CUL2: variants seen among roughly 807,000 people sequenced by gnomAD.
CUL2 encodes cullin 2.
Under a neutral mutation model 110.2 loss-of-function variants are expected in CUL2, and 22 were observed. The ratio of observed to expected loss-of-function variants is 0.20; its 90% CI spans 0.14 to 0.28. The LOEUF is 0.28. Ranked by LOEUF, CUL2 falls within the 10% of genes least tolerant of loss-of-function variation. CUL2 has a pLI of 1.00. For synonymous variants in CUL2, 279 were observed against 293.2 expected, an observed-to-expected ratio of 0.95 and a Z score of 0.49; for missense variants, 631 against 905.5, an observed-to-expected ratio of 0.70 and a Z score of 3.89.
At chr10:35,024,996 T>C in intron 17 of CUL2, 136 bp downstream of exon 17, 1 of 1,220,968 alleles carries the variant, frequency 8.2e-7, no homozygotes, top group East Asian at 3.1e-5. Flanking sequence ...ATTTCATTGT[T>C]AGTTGCTTTA....
At chr10:35,083,432 C>T (rs1275898305) in intron 1 of CUL2, among the ~76,000 whole-genome samples, 2 of 152,136 alleles carry the variant, frequency 1.3e-5, no homozygotes, top group Non-Finnish European at 2.9e-5. Context: ...AGGAATGACA[C>T]CACAGTGGCA....
intron 5 of CUL2, among the ~76,000 whole-genome samples, chr10:35,050,526 C>T (rs2086076382): frequency 6.6e-6 from 1 of 152,048 alleles, no homozygotes; most frequent in Non-Finnish European, 1.5e-5. Context: ...TAAAACATTC[C>T]TGTATTCACT....
intron 17 of CUL2, among the ~76,000 whole-genome samples, chr10:35,018,298 A>C (rs71487384): frequency 0.13 from 19,371 of 148,742 alleles, 1,675 homozygotes; most frequent in South Asian, 0.2. Flanking sequence ...CAAAAAAAAA[A>C]AAAAAAAAAA....
intron 9 of CUL2, among the ~76,000 whole-genome samples, chr10:35,037,582 G>A (rs1044720122): frequency 1.3e-5 from 2 of 152,134 alleles, no homozygotes; most frequent in Non-Finnish European, 2.9e-5. Context: ...GTGGTGGCTC[G>A]TGTCTATAAT....
chr10:35,125,230 T>A (rs1261474149), intron 1 of CUL2, among the ~76,000 whole-genome samples: 7 of 152,190 alleles, frequency 4.6e-5, no homozygotes, highest in Admixed American at 4.6e-4. Flanking sequence ...CATGAACTGA[T>A]GGGCTTGTAA....
intron 1 of CUL2, among the ~76,000 whole-genome samples, chr10:35,088,372 G>C (rs191790704): frequency 6.6e-6 from 1 of 152,066 alleles, no homozygotes; most frequent in Non-Finnish European, 1.5e-5. Context: ...GCTGGGCGTG[G>C]TGACGTGCGC....
At chr10:35,027,152 T>G (rs931792379) in intron 16 of CUL2, among the ~76,000 whole-genome samples, 1 of 150,666 alleles carries the variant, frequency 6.6e-6, no homozygotes, top group African/African-American at 2.4e-5. Context: ...ACTTTTTTTT[T>G]TTTTTTTTTT....
At chr10:35,048,746 A>C (rs944361368) in intron 6 of CUL2, among the ~76,000 whole-genome samples, 6 of 152,220 alleles carry the variant, frequency 3.9e-5, no homozygotes, top group Non-Finnish European at 8.8e-5. Flanking sequence ...ACAATTTTTA[A>C]AAATCAAGTT....
chr10:35,101,485 T>C (rs997013383), intron 1 of CUL2, among the ~76,000 whole-genome samples: 2 of 152,230 alleles, frequency 1.3e-5, no homozygotes, highest in Non-Finnish European at 2.9e-5. Flanking sequence ...TTATTATTCC[T>C]GTTTTACTGG....
At position 35,082,739 on chromosome 10, in the gene CUL2, CTT is replaced by C. The variant is rs142108199; in HGVS notation, c.-23+7438_-23+7439del. Among the ~76,000 whole-genome samples, 805 of 152,292 alleles carry C rather than the reference CTT, an allele frequency of 5.3e-3. 3 individuals are homozygous for C. Among genetic ancestry groups the C allele is most frequent in the Admixed American group, 9.9e-3 (152 of 15,288 alleles). ...AAATACTATTTTTGGTTCAGACAGA[CTT>C]TTATCAAATAAAAGAGAAATATCTT... is the stretch of plus-strand genomic sequence containing the variant. On this transcript the variant is annotated intron_variant, in intron 1 of 20. Coordinates refer to ENST00000374749, the MANE Select transcript of CUL2 (RefSeq NM_003591.4).
chr10:35,114,747 C>T (rs1187251889), intron 1 of CUL2, among the ~76,000 whole-genome samples: 1 of 151,984 alleles, frequency 6.6e-6, no homozygotes. Flanking sequence ...TAGAGGAAAA[C>T]ATGAGCATGG....
chr10:35,088,150 GATT>G (rs1288121215), intron 1 of CUL2, among the ~76,000 whole-genome samples: 2 of 152,130 alleles, frequency 1.3e-5, no homozygotes, highest in Non-Finnish European at 2.9e-5. Context: ...TATTCTCTGA[GATT>G]ATTTCTTATA....
chr10:35,107,881 CAAAAAAAAAAAAAAAA>C (rs56140666), intron 1 of CUL2, among the ~76,000 whole-genome samples: 6 of 42,102 alleles, frequency 1.4e-4, no homozygotes, highest in African/African-American at 5.4e-4. Flanking sequence ...GACTCCATCT[CAAAAAAAAAAAAAAAA>C]AAAAAAAAAA....
intron 2 of CUL2, among the ~76,000 whole-genome samples, chr10:35,097,565 G>A (rs1295867898): frequency 2.0e-5 from 3 of 151,316 alleles, no homozygotes; most frequent in Non-Finnish European, 4.4e-5. Context: ...ATCAAGCCCA[G>A]TATTAACAAT....
chr10:35,112,905 G>T (rs1247695440), intron 1 of CUL2, among the ~76,000 whole-genome samples: 2 of 152,130 alleles, frequency 1.3e-5, no homozygotes, highest in East Asian at 3.9e-4. Context: ...CTACATAAAA[G>T]AATTCAGGCC....
chr10:35,090,588 C>G (rs1442809507), upstream of CUL2: 1 of 152,690 alleles, frequency 6.5e-6, no homozygotes, highest in Non-Finnish European at 1.5e-5. Context: ...AACACACACC[C>G]TCCGGTCTCC....
intron 17 of CUL2, among the ~76,000 whole-genome samples, chr10:35,016,683 G>A (rs1417948654): frequency 6.6e-6 from 1 of 152,064 alleles, no homozygotes; most frequent in Non-Finnish European, 1.5e-5. Flanking sequence ...TCCCAGCACT[G>A]TGGGAGGCCG....
At chr10:35,105,292 G>T (rs1276653120) in intron 1 of CUL2, among the ~76,000 whole-genome samples, 1 of 151,908 alleles carries the variant, frequency 6.6e-6, no homozygotes, top group East Asian at 2.0e-4. Flanking sequence ...CGGGCGTGGT[G>T]GCCGGCGCCT....
intron 1 of CUL2, among the ~76,000 whole-genome samples, chr10:35,077,269 G>A (rs2086842113): frequency 6.6e-6 from 1 of 151,560 alleles, no homozygotes; most frequent in African/African-American, 2.4e-5. Context: ...ACTCCAGTCT[G>A]GGCAACAGAG....
Sources: allele counts gnomAD v4.1 joint callset (sites outside exome capture counted in the v4.1 genomes callset), GRCh38; gene constraint gnomAD v4.1.1; transcripts MANE v1.5; gene names NCBI Gene and HGNC (gene_info 2026-07-23, HGNC 2026-07-21).